The following DLGAP4 variants were observed in gnomAD, a reference collection of about 807,000 sequenced individuals.
DLGAP4 encodes disks large-associated protein 4.
DLGAP4 carries 18 observed loss-of-function variants against 86.9 expected under a neutral mutation model. The observed-to-expected ratio is 0.21, with a 90% CI of 0.14 to 0.31. The LOEUF (loss-of-function observed/expected upper bound fraction) is 0.31. DLGAP4 is among the 10% of genes least tolerant of loss of function. The probability of loss-of-function intolerance (pLI) is 1.00; values close to 1 mark genes in which losing one functional copy is unlikely to be tolerated. For synonymous variants in DLGAP4, 548 were observed against 574.3 expected, an observed-to-expected ratio of 0.95 and a Z score of 0.65; for missense variants, 1,085 against 1,362.6, an observed-to-expected ratio of 0.80 and a Z score of 3.21.
At chr20:36,337,690 C>G (rs73103442) in intron 1 of DLGAP4, among the ~76,000 whole-genome samples, 3,854 of 152,292 alleles carry the variant, frequency 0.025, 77 homozygotes, top group Non-Finnish European at 0.041. Flanking sequence ...GTGCTTCCCC[C>G]CCAGGATGTT....
chr20:36,401,610 G>A (rs2032162988), intron 2 of DLGAP4, among the ~76,000 whole-genome samples: 1 of 152,258 alleles, frequency 6.6e-6, no homozygotes, highest in East Asian at 1.9e-4. Context: ...TAGCTGCTGG[G>A]TGCCAGCATC....
intron 3 of DLGAP4, among the ~76,000 whole-genome samples, chr20:36,435,491 C>T (rs78990460): frequency 0.014 from 2,144 of 152,328 alleles, 104 homozygotes; most frequent in Admixed American, 0.1. Context: ...GTTCCACGGA[C>T]GGAGTCCCTG....
rs6031774 is a variant in DLGAP4, at chr20:36,402,873, G to A, written c.-72-28773G>A. On this transcript the variant is annotated intron_variant, in intron 2 of 12. Coordinates refer to ENST00000339266, the MANE Select transcript of DLGAP4 (RefSeq NM_001365621.2). ...ACTCAAAGTTCACACAGATGGTGGAGGAATTGGGCTTTTAGCCTGGGTGTG... is the reference window on the plus strand; with the variant it reads ...ACTCAAAGTTCACACAGATGGTGGAAGAATTGGGCTTTTAGCCTGGGTGTG... Among the ~76,000 whole-genome samples the A allele has an allele frequency of 2.8e-3, 428 of 152,314 alleles. 3 individuals are homozygous for A. The highest frequency in any genetic ancestry group is 9.9e-3 in the African/African-American group (412 of 41,562).
chr20:36,408,768 A>G (rs983426661), intron 2 of DLGAP4, among the ~76,000 whole-genome samples: 1 of 152,242 alleles, frequency 6.6e-6, no homozygotes, highest in Non-Finnish European at 1.5e-5. Flanking sequence ...CAATAGATAT[A>G]TATTCACATG....
intron 2 of DLGAP4, among the ~76,000 whole-genome samples, chr20:36,390,551 C>A (rs1360889595): frequency 6.6e-6 from 1 of 152,158 alleles, no homozygotes; most frequent in Non-Finnish European, 1.5e-5. Flanking sequence ...TACAGAGGCC[C>A]AGAATAGCAA....
intron 7 of DLGAP4, among the ~76,000 whole-genome samples, chr20:36,476,567 G>A (rs916174043): frequency 2.0e-5 from 3 of 151,420 alleles, no homozygotes; most frequent in Admixed American, 2.0e-4. Flanking sequence ...GACCTCCGGT[G>A]ATCCACCCGC....
At chr20:36,373,776 T>A (rs534905214) in intron 2 of DLGAP4, among the ~76,000 whole-genome samples, 1 of 152,210 alleles carries the variant, frequency 6.6e-6, no homozygotes, top group Non-Finnish European at 1.5e-5. Flanking sequence ...CTCATGCCCG[T>A]AATCCCAGCA....
At chr20:36,497,555 T>C (rs1463608175) in intron 8 of DLGAP4, 2 of 989,038 alleles carry the variant, frequency 2.0e-6, no homozygotes, top group East Asian at 2.3e-4. Flanking sequence ...GCCATGGGGG[T>C]TGCTCGAGGG....
At chr20:36,377,096 T>C (rs762449452) in intron 2 of DLGAP4, among the ~76,000 whole-genome samples, 1 of 152,182 alleles carries the variant, frequency 6.6e-6, no homozygotes, top group Non-Finnish European at 1.5e-5. Context: ...CCTTTCCATC[T>C]CTGTTGGAGG....
At chr20:36,521,715 G>C (rs1424222148) in intron 10 of DLGAP4, among the ~76,000 whole-genome samples, 4 of 152,024 alleles carry the variant, frequency 2.6e-5, no homozygotes, top group Non-Finnish European at 5.9e-5. Flanking sequence ...TTTTCCTCCT[G>C]CTCTAGTTCC....
intron 7 of DLGAP4, among the ~76,000 whole-genome samples, chr20:36,463,737 C>CT (rs932774466): frequency 1.3e-5 from 2 of 152,204 alleles, no homozygotes; most frequent in African/African-American, 4.8e-5. Flanking sequence ...AGTTGTGAGC[C>CT]TTGGCTGCTT....
At chr20:36,491,509 C>T (rs919439747) in intron 7 of DLGAP4, among the ~76,000 whole-genome samples, 3 of 152,008 alleles carry the variant, frequency 2.0e-5, no homozygotes, top group African/African-American at 7.2e-5. Flanking sequence ...TAGGGGCTGG[C>T]AGGAAGCATG....
intron 1 of DLGAP4, among the ~76,000 whole-genome samples, chr20:36,334,145 C>T (rs1265175834): frequency 3.9e-5 from 6 of 152,224 alleles, no homozygotes; most frequent in Non-Finnish European, 8.8e-5. Flanking sequence ...CCTGGCCTCC[C>T]AGGGCTCTCA....
At chr20:36,462,489 C>T in intron 7 of DLGAP4, 1 of 1,590,320 alleles carries the variant, frequency 6.3e-7, no homozygotes, top group Non-Finnish European at 8.5e-7. Flanking sequence ...CCCTGTCTCC[C>T]CTTCTCTCTG....
At chr20:36,374,907 G>T (rs781704319) in intron 2 of DLGAP4, among the ~76,000 whole-genome samples, 5 of 152,264 alleles carry the variant, frequency 3.3e-5, no homozygotes, top group Non-Finnish European at 7.3e-5. Flanking sequence ...CAGGTCAGGG[G>T]GGTCCAAGAT....
At chr20:36,517,161 T>C (rs2037091233) in intron 10 of DLGAP4, among the ~76,000 whole-genome samples, 3 of 150,948 alleles carry the variant, frequency 2.0e-5, no homozygotes, top group African/African-American at 7.3e-5. Flanking sequence ...GGCAGATCAC[T>C]TGAGGCCAGG....
chr20:36,405,767 G>T (rs1315469500), intron 2 of DLGAP4, among the ~76,000 whole-genome samples: 3 of 152,086 alleles, frequency 2.0e-5, no homozygotes, highest in African/African-American at 2.4e-5. Context: ...AGAGGGTGGA[G>T]TGAGGGCACC....
At chr20:36,415,100 T>C (rs2032615208) in intron 2 of DLGAP4, among the ~76,000 whole-genome samples, 1 of 152,062 alleles carries the variant, frequency 6.6e-6, no homozygotes, top group Non-Finnish European at 1.5e-5. Flanking sequence ...ACCCCGTCTC[T>C]ACTAAAAATA....
rs546498387 is a variant in DLGAP4, at chr20:36,417,236, A to G, written c.-72-14410A>G. Reference sequence around the variant, plus strand: ...TCAATAGAGGCAGCCGAGTATGTGAAGTGTTGAGGGGTGGATGGAACAGCA... The same window carrying G: ...TCAATAGAGGCAGCCGAGTATGTGAGGTGTTGAGGGGTGGATGGAACAGCA... On this transcript the variant is annotated intron_variant, in intron 2 of 12. Coordinates refer to ENST00000339266, the MANE Select transcript of DLGAP4 (RefSeq NM_001365621.2). Among the ~76,000 whole-genome samples the G allele has an allele frequency of 1.3e-5, 2 of 152,262 alleles. 1 individual carries two copies. The highest frequency in any genetic ancestry group is 3.9e-4 in the East Asian group (2 of 5,170).
Sources: allele counts gnomAD v4.1 joint callset (sites outside exome capture counted in the v4.1 genomes callset), GRCh38; gene constraint gnomAD v4.1.1; transcripts MANE v1.5; gene names NCBI Gene and HGNC (gene_info 2026-07-23, HGNC 2026-07-21).